BRSK2: variants seen among roughly 807,000 people sequenced by gnomAD.
BRSK2 encodes BR serine/threonine kinase 2, also known as serine/threonine-protein kinase BRSK2.
In BRSK2, 19 loss-of-function variants were observed where a neutral mutation model predicts 83.3. The observed-to-expected ratio is 0.23, with a 90% CI of 0.16 to 0.33. The LOEUF (loss-of-function observed/expected upper bound fraction) is 0.33. Ranked by LOEUF, BRSK2 falls within the 10% of genes least tolerant of loss-of-function variation. The probability of loss-of-function intolerance (pLI) is 1.00; values close to 1 mark genes in which losing one functional copy is unlikely to be tolerated. For synonymous variants in BRSK2, 519 were observed against 435.4 expected, an observed-to-expected ratio of 1.19 and a Z score of -2.39; for missense variants, 798 against 1,042.3, an observed-to-expected ratio of 0.77 and a Z score of 3.23.
intron 1 of BRSK2, among the ~76,000 whole-genome samples, chr11:1,433,636 G>A (rs1564834758): frequency 6.6e-6 from 1 of 152,232 alleles, no homozygotes; most frequent in Non-Finnish European, 1.5e-5. Flanking sequence ...CGGGATGCAG[G>A]CCAGCCTCGT....
intron 18 of BRSK2, chr11:1,457,034 C>T: frequency 6.3e-7 from 1 of 1,592,062 alleles, no homozygotes; most frequent in Non-Finnish European, 8.5e-7. Context: ...ACGAGAGTAG[C>T]CTCTGACGCT....
chr11:1,460,538 C>T lies in BRSK2; in HGVS notation c.2026C>T (p.Leu676Phe), dbSNP rs1847340383. ...LSNFFDVIKQ[L>F]FSDEKNGQAA... ...TAACTTCTTTGACGTAATTAAACAACTTTTTTCAGACGAGAAGAACGGGCA... is the reference window on the plus strand; with the variant it reads ...TAACTTCTTTGACGTAATTAAACAATTTTTTTCAGACGAGAAGAACGGGCA... The change falls in exon 20 of 20, where the codon CTT becomes TTT. Residue 676 changes from leucine (L) to phenylalanine (F), a missense_variant. Leu to Phe is a conservative substitution (Grantham distance 22). This residue lies in a region of BRSK2 where 455 missense variants were observed against 455.2 expected (regional missense o/e 1.00). Transcript: ENST00000528841. 2.2e-6 allele frequency: 3 copies of T among 1,364,566 alleles called. No homozygotes were observed. In the East Asian group the frequency reaches 1.2e-4, roughly 57 times the overall value. 84.5% of individuals were successfully genotyped at this position (1,364,566 alleles called of 1,614,324 possible).
intron 1 of BRSK2, among the ~76,000 whole-genome samples, chr11:1,402,783 G>A (rs1846574457): frequency 6.6e-6 from 1 of 152,308 alleles, no homozygotes; most frequent in Admixed American, 6.5e-5. Context: ...TGGAGTGGGG[G>A]CAGCTGACAC....
intron 1 of BRSK2, among the ~76,000 whole-genome samples, chr11:1,429,194 C>T (rs1262807666): frequency 7.1e-6 from 1 of 140,314 alleles, no homozygotes; most frequent in Non-Finnish European, 1.5e-5. Flanking sequence ...TGCGCGTGTG[C>T]ATGGGTGTGT....
At position 1,442,559 on chromosome 11, in the gene BRSK2, C is replaced by T; in HGVS notation, c.483C>T (p.Gly161=). 6.2e-7 allele frequency: 1 copy of T among 1,613,052 alleles called. No individual in the cohort carries two copies. Among genetic ancestry groups the T allele is most frequent in the Non-Finnish European group, 8.5e-7 (1 of 1,179,764 alleles). The part of the protein sequence containing the change: ...EKNNIRIADF[G]MASLQVGDSL... ...ACAACATCCGCATCGCAGACTTTGG[C>T]ATGGCGTCCCTGCAGGTTGGCGACA... Residue 161 remains glycine, a synonymous_variant, in exon 5 of 20, where the codon GGC becomes GGT. Coordinates refer to ENST00000528841, the MANE Select transcript of BRSK2 (RefSeq NM_001256627.2).
intron 1 of BRSK2, among the ~76,000 whole-genome samples, chr11:1,393,597 C>T (rs914421721): frequency 2.0e-5 from 3 of 152,172 alleles, no homozygotes; most frequent in Non-Finnish European, 2.9e-5. Context: ...GACCTGGGGC[C>T]GCCCCTCCAT....
intron 1 of BRSK2, chr11:1,410,420 C>T (rs1408909671): frequency 3.1e-5 from 30 of 983,072 alleles, no homozygotes; most frequent in South Asian, 4.7e-5. Flanking sequence ...CCTCGCAGAG[C>T]GGTGACAGTT....
At position 1,456,480 on chromosome 11, in the gene BRSK2, G is replaced by A. The variant is rs1846553071; in HGVS notation, c.1801G>A (p.Ala601Thr). The A allele has an allele frequency of 6.3e-7, 1 of 1,576,048 alleles. No homozygotes were observed. The highest frequency in any genetic ancestry group is 1.3e-5 in the African/African-American group (1 of 74,100). ...TATCACCTACACGGAGGGTGGGGAG[G>A]CGCAGAAGGAGAACGGCATCTACTC... Reference protein sequence around the residue: ...VDITYTEGGEAQKENGIYSVT... With the variant: ...VDITYTEGGETQKENGIYSVT... The change falls in exon 17 of 20, where the codon GCG (alanine) becomes ACG (threonine). Residue 601 changes from alanine (A) to threonine (T), a missense_variant. Transcript: ENST00000528841.
chr11:1,396,320 C>CCCT (rs1846114664), intron 1 of BRSK2, among the ~76,000 whole-genome samples: 1 of 152,184 alleles, frequency 6.6e-6, no homozygotes, highest in Non-Finnish European at 1.5e-5. Context: ...GCCTCGAGGA[C>CCCT]TGCATGGGGC....
intron 18 of BRSK2, 38 bp downstream of exon 18, chr11:1,456,725 G>C (rs747266978): frequency 6.4e-7 from 1 of 1,553,582 alleles, no homozygotes; most frequent in Non-Finnish European, 8.7e-7. Context: ...TGCGGCCTGC[G>C]AGTGGGGCGT....
Position 1,438,178 on chromosome 11 carries a change from C to A in BRSK2, c.187-128C>A, listed in dbSNP as rs1850599353. ...CCCCCACAGCTGGCACCAAAGGCCC[C>A]TGCGACCCCCACAGCTGGCACCAAA... is the stretch of plus-strand genomic sequence containing the variant. On this transcript the variant is annotated intron_variant, in intron 2 of 19. Coordinates refer to ENST00000528841, the MANE Select transcript of BRSK2 (RefSeq NM_001256627.2). This position sits in a 1 kb window ranked among gnomAD's most constrained non-coding sequence, Gnocchi z 6.4. The A allele has an allele frequency of 1.4e-6, 1 of 729,090 alleles. No individual in the cohort carries two copies. Among genetic ancestry groups the A allele is most frequent in the East Asian group, 2.9e-5 (1 of 34,686 alleles). The allele number at this position is 729,090 out of a possible 1,614,324, so 45.2% of individuals were successfully genotyped here. A position where few individuals can be genotyped will look rare whatever the true frequency, so the allele number is the denominator to read the frequency against.
chr11:1,408,759 G>T (rs1408202863), intron 1 of BRSK2, among the ~76,000 whole-genome samples: 1 of 106,354 alleles, frequency 9.4e-6, no homozygotes, highest in Non-Finnish European at 2.1e-5. Flanking sequence ...GTCTGCCTGT[G>T]CAGGGGTGTG....
intron 1 of BRSK2, among the ~76,000 whole-genome samples, chr11:1,395,550 CG>C (rs1478943306): frequency 6.6e-6 from 1 of 152,058 alleles, no homozygotes; most frequent in African/African-American, 2.4e-5. Flanking sequence ...TTCCCCTAGG[CG>C]GGGGCGGGAG....
chr11:1,462,491 G>A lies in BRSK2; in HGVS notation c.*1768G>A, dbSNP rs1207027268. Reference sequence around the variant, plus strand: ...AAACACCTAGGACAGCAAACGCCAGGCGGTACAGGCGGGAAGGGGCTCTCC... The same window carrying A: ...AAACACCTAGGACAGCAAACGCCAGACGGTACAGGCGGGAAGGGGCTCTCC... On this transcript the variant is annotated 3_prime_UTR_variant, in exon 20 of 20. Coordinates refer to ENST00000528841, the MANE Select transcript of BRSK2 (RefSeq NM_001256627.2). 6.6e-6 allele frequency: 1 copy of A among 152,052 alleles called. No individual in the cohort carries two copies. Among genetic ancestry groups the A allele is most frequent in the Non-Finnish European group, 1.5e-5 (1 of 68,080 alleles). The allele number at this position is 152,052 out of a possible 1,614,324, so 9.4% of individuals were successfully genotyped here. A position where few individuals can be genotyped will look rare whatever the true frequency, so the allele number is the denominator to read the frequency against.
chr11:1,446,335 G>C (rs1013141038), intron 12 of BRSK2, among the ~76,000 whole-genome samples: 1 of 150,790 alleles, frequency 6.6e-6, no homozygotes, highest in South Asian at 2.1e-4. Context: ...GGGCTGAGAC[G>C]GATTTGACTG....
intron 1 of BRSK2, among the ~76,000 whole-genome samples, chr11:1,404,903 C>T (rs1033444463): frequency 2.0e-5 from 3 of 151,916 alleles, no homozygotes; most frequent in African/African-American, 7.3e-5. Context: ...CAGGGCCCTG[C>T]GTGGAGTCCC....
intron 1 of BRSK2, among the ~76,000 whole-genome samples, chr11:1,403,653 A>G (rs936870550): frequency 1.3e-5 from 2 of 152,180 alleles, no homozygotes; most frequent in African/African-American, 4.8e-5. Flanking sequence ...GGTGTCTGAC[A>G]GCCCCCTTAG....
intron 18 of BRSK2, 64 bp downstream of exon 18, chr11:1,456,751 C>T (rs578119775): frequency 3.2e-5 from 49 of 1,507,894 alleles, no homozygotes; most frequent in Non-Finnish European, 4.1e-5. Context: ...GCTGGTGCTG[C>T]GCGGACGGGA....
intron 7 of BRSK2, 31 bp from the exon 8 acceptor site, chr11:1,443,458 C>A (rs752164578): frequency 2.1e-5 from 33 of 1,574,838 alleles, no homozygotes; most frequent in South Asian, 1.3e-4. Context: ...CCTGCCCCCC[C>A]ACGCTGACCC....
Sources: allele counts gnomAD v4.1 joint callset (sites outside exome capture counted in the v4.1 genomes callset), GRCh38; gene constraint gnomAD v4.1.1; regional missense constraint gnomAD v4.1.1; non-coding constraint Gnocchi (gnomAD v3.1); transcripts MANE v1.5; gene names NCBI Gene and HGNC (gene_info 2026-07-23, HGNC 2026-07-21).